WRAP73: variants seen among roughly 807,000 people sequenced by gnomAD.
The protein encoded by WRAP73 is WD repeat-containing protein WRAP73.
In WRAP73, 55 loss-of-function variants were observed where a neutral mutation model predicts 59.6. That is an observed-to-expected ratio of 0.92 (90% CI 0.74 to 1.15). The LOEUF is 1.15. Among genes scored for constraint, WRAP73 ranks in the 50% most tolerant of loss-of-function variants. WRAP73 has a pLI of 0.00. For missense variants in WRAP73, 592 were observed against 608.1 expected, an observed-to-expected ratio of 0.97 and a Z score of 0.28; for synonymous variants, 265 against 258.2, an observed-to-expected ratio of 1.03 and a Z score of -0.25.
rs1226917639 is a variant in WRAP73 at position 3,638,749 on chromosome 1, C to T, written c.412+1G>A. The T allele has an allele frequency of 2.4e-5, 39 of 1,613,990 alleles. No homozygotes were observed. Among genetic ancestry groups the T allele is most frequent in the Non-Finnish European group, 3.1e-5 (37 of 1,180,018 alleles). On this transcript the variant is annotated splice_donor_variant, in intron 4 of 11. Coordinates refer to ENST00000270708, the MANE Select transcript of WRAP73 (RefSeq NM_017818.4). LOFTEE classifies it high-confidence loss of function. ...CTTTTGCGTGGCTCCGATCGACTCA[C>T]CCTGCAGACAAGCTTTCGGGTATTT...
rs774488194 is a variant in WRAP73 at position 3,646,812 on chromosome 1, G to A, written c.223-30C>T. On this transcript the variant is annotated intron_variant, in intron 2 of 11. Coordinates refer to ENST00000270708, the MANE Select transcript of WRAP73 (RefSeq NM_017818.4). This position sits in a 1 kb window ranked among gnomAD's most constrained non-coding sequence, Gnocchi z 5.1. ...ATTGAGAGAAGAAAGAAACACACAA[G>A]TGCAAACTCATCAGCACCGAGAGAC... 6.3e-7 allele frequency: 1 copy of A among 1,586,566 alleles called. No individual in the cohort carries two copies. Among genetic ancestry groups the A allele is most frequent in the South Asian group, 1.1e-5 (1 of 90,226 alleles).
At chr1:3,632,036 A>G in intron 10 of WRAP73, 177 bp downstream of exon 10, 1 of 1,487,846 alleles carries the variant, frequency 6.7e-7, no homozygotes. Flanking sequence ...CGGCTGCTGC[A>G]GGACAAAGGC....
At chr1:3,632,471 A>G (rs1317132788) in intron 9 of WRAP73, 133 bp from the exon 10 acceptor site, 3 of 1,431,426 alleles carry the variant, frequency 2.1e-6, no homozygotes, top group African/African-American at 1.4e-5. Context: ...AGTGCGGCCC[A>G]AGGGCAGGAA....
intron 9 of WRAP73, 84 bp downstream of exon 9, chr1:3,633,314 A>G (rs1644556777): frequency 1.5e-6 from 2 of 1,336,838 alleles, no homozygotes; most frequent in East Asian, 2.3e-5. Flanking sequence ...TTTTTTAAAC[A>G]TAAGGAACAT....
rs75164172 is a variant in WRAP73 at position 3,647,846 on chromosome 1, T to C, written c.70-286A>G. ...CTTTAAGACATTTTTAAGTCCCTTC[T>C]TATCTGTATGTTAAAAACTAAACTT... On this transcript the variant is annotated intron_variant, in intron 1 of 11. Coordinates refer to ENST00000270708, the MANE Select transcript of WRAP73 (RefSeq NM_017818.4). Among the ~76,000 whole-genome samples, 8 of 152,376 alleles carry C rather than the reference T, an allele frequency of 5.3e-5. No homozygotes were observed. The East Asian group carries it at 1.3e-3, about 26-fold the overall frequency.
chr1:3,647,287 A>C (rs572787302), intron 2 of WRAP73, 121 bp downstream of exon 2: 11 of 1,097,648 alleles, frequency 1.0e-5, no homozygotes, highest in Middle Eastern at 3.1e-4. Context: ...TAATTTCAAA[A>C]GAAAACTGGC....
chr1:3,637,933 G>A (rs1220791731), intron 4 of WRAP73, among the ~76,000 whole-genome samples: 1 of 152,224 alleles, frequency 6.6e-6, no homozygotes, highest in African/African-American at 2.4e-5. Flanking sequence ...CCCTAGGCCA[G>A]AATTCATCAT....
In WRAP73 at chr1:3,644,421, T is replaced by C. The variant is rs60206806; in HGVS notation, c.339+2245A>G. On this transcript the variant is annotated intron_variant, in intron 3 of 11. Transcript: ENST00000270708. ...GGGGTCGCGCCTTCAGAAGGGGACC[T>C]AGTGGCCCCGCTAATCCTCGAACGG... Among the ~76,000 whole-genome samples the C allele has an allele frequency of 9.2e-3, 837 of 90,700 alleles. 131 individuals are homozygous for C. The highest frequency in any genetic ancestry group is 0.068 in the African/African-American group (804 of 11,870). The allele number at this position is 90,700 out of a possible 152,430, so 59.5% of individuals were successfully genotyped here. A position where few individuals can be genotyped will look rare whatever the true frequency, so the allele number is the denominator to read the frequency against.
intron 5 of WRAP73, chr1:3,636,652 C>T: frequency 2.6e-6 from 1 of 386,544 alleles, no homozygotes; most frequent in South Asian, 2.1e-5. Context: ...GCAGAGCGCC[C>T]TGCCTAATGC....
chr1:3,639,179 C>CA lies in WRAP73; in HGVS notation c.340-358dup, dbSNP rs1460874984. ...CTTGATCTAGAAACCACCACGGGTT[C>CA]AGTCTCCTTTATGGGAAGACAGAGG... On this transcript the variant is annotated intron_variant, in intron 3 of 11. Coordinates refer to ENST00000270708, the MANE Select transcript of WRAP73 (RefSeq NM_017818.4). This position sits in a 1 kb window ranked among gnomAD's most constrained non-coding sequence, Gnocchi z 4.3. 4.1e-6 allele frequency: 1 copy of CA among 244,906 alleles called. No individual in the cohort carries two copies. Among genetic ancestry groups the CA allele is most frequent in the African/African-American group, 2.3e-5 (1 of 43,000 alleles). 15.2% of individuals were successfully genotyped at this position (244,906 alleles called of 1,614,324 possible). A position where few individuals can be genotyped will look rare whatever the true frequency, so the allele number is the denominator to read the frequency against.
chr1:3,647,996 G>C (rs1259000367), intron 1 of WRAP73, among the ~76,000 whole-genome samples: 1 of 152,206 alleles, frequency 6.6e-6, no homozygotes, highest in African/African-American at 2.4e-5. Context: ...AGGCTTCACA[G>C]ATGACAACGA....
chr1:3,642,564 C>T (rs1390440031), intron 3 of WRAP73, among the ~76,000 whole-genome samples: 2 of 151,836 alleles, frequency 1.3e-5, no homozygotes, highest in Non-Finnish European at 2.9e-5. Flanking sequence ...CATGAGAAAC[C>T]CCATCTCTAC....
chr1:3,631,749 G>T, intron 10 of WRAP73, 92 bp from the exon 11 acceptor site: 1 of 1,499,790 alleles, frequency 6.7e-7, no homozygotes, highest in Non-Finnish European at 8.9e-7. Context: ...CACCACAGGA[G>T]GGGAGGGGAA....
In WRAP73 at chr1:3,633,395, T is replaced by C. The variant is rs1309122122; in HGVS notation, c.922+3A>G. On this transcript the variant is annotated splice_donor_region_variant and intron_variant, in intron 9 of 11. Coordinates refer to ENST00000270708, the MANE Select transcript of WRAP73 (RefSeq NM_017818.4). ...AACAAATGACATCACATGTGCTACT[T>C]ACATTTACTCTCTGAGCTCGGGAGA... 1.2e-6 allele frequency: 2 copies of C among 1,611,488 alleles called. No homozygotes were observed. Among genetic ancestry groups the C allele is most frequent in the Non-Finnish European group, 8.5e-7 (1 of 1,178,890 alleles).
rs1644574648 is a variant in WRAP73 at position 3,634,902 on chromosome 1, TAATA to T, written c.816+91_816+94del. The T allele has an allele frequency of 8.3e-6, 12 of 1,437,476 alleles. No homozygotes were observed. In the East Asian group the frequency reaches 9.1e-5, roughly 11 times the overall value. 89.0% of individuals were successfully genotyped at this position (1,437,476 alleles called of 1,614,324 possible). A position where few individuals can be genotyped will look rare whatever the true frequency, so the allele number is the denominator to read the frequency against. On this transcript the variant is annotated intron_variant, in intron 8 of 11. Coordinates refer to ENST00000270708, the MANE Select transcript of WRAP73 (RefSeq NM_017818.4). ...ACGGTGATGGAAGTGCCCGGTTAAATAATAAACCACAATCAAGAAAGCAAAGTGA... is the reference window on the plus strand; with the variant it reads ...ACGGTGATGGAAGTGCCCGGTTAAATAACCACAATCAAGAAAGCAAAGTGA...
intron 4 of WRAP73, among the ~76,000 whole-genome samples, chr1:3,638,009 T>C (rs1329832887): frequency 6.6e-6 from 1 of 152,174 alleles, no homozygotes. Context: ...GAGATATGTA[T>C]CTCATCTGGA....
rs761936267 is a variant in WRAP73, at chr1:3,646,821, C to T, written c.223-39G>A. On this transcript the variant is annotated intron_variant, in intron 2 of 11. Coordinates refer to ENST00000270708, the MANE Select transcript of WRAP73 (RefSeq NM_017818.4). The surrounding 1 kb of genome is among the most constrained non-coding windows in gnomAD (Gnocchi z 5.1). ...AGAAAGAAACACACAAGTGCAAACT[C>T]ATCAGCACCGAGAGACAGCGAGGAC... 7 of 1,562,862 alleles carry T rather than the reference C, an allele frequency of 4.5e-6. No homozygotes were observed. The South Asian group carries it at 7.8e-5, about 17-fold the overall frequency.
intron 8 of WRAP73, 21 bp downstream of exon 8, chr1:3,634,976 A>T (rs1272918254): frequency 9.9e-6 from 16 of 1,613,838 alleles, no homozygotes; most frequent in Non-Finnish European, 1.4e-5. Flanking sequence ...GCTCAGGCAG[A>T]AACACGTGTT....
intron 6 of WRAP73, 59 bp from the exon 7 acceptor site, chr1:3,635,353 C>T: frequency 3.1e-6 from 5 of 1,602,400 alleles, no homozygotes; most frequent in Non-Finnish European, 4.3e-6. Flanking sequence ...GAACACACCA[C>T]AGACGCGGGT....
Sources: gnomAD v4.1 joint callset for allele counts (sites outside exome capture counted in the v4.1 genomes callset) on GRCh38, gnomAD v4.1.1 for gene constraint, Gnocchi (gnomAD v3.1) non-coding constraint, MANE v1.5 for transcripts, NCBI Gene and HGNC (gene_info 2026-07-23, HGNC 2026-07-21) for gene names.